Variants in PCDH15 observed in about 807,000 individuals in gnomAD.
PCDH15 encodes the protein protocadherin-15.
In PCDH15, 129 loss-of-function variants were observed where a neutral mutation model predicts 178.5. The observed-to-expected ratio is 0.72, with a 90% confidence interval of 0.63 to 0.84. The LOEUF (loss-of-function observed/expected upper bound fraction) is 0.84, where lower values mean the gene tolerates loss of function less well. Ranked by LOEUF, PCDH15 falls within the 40% of genes least tolerant of loss-of-function variation. The probability of loss-of-function intolerance (pLI) is 0.00; values close to 1 mark genes in which losing one functional copy is unlikely to be tolerated. For synonymous variants in PCDH15, 800 were observed against 732.0 expected, an observed-to-expected ratio of 1.09 and a Z score of -1.50; for missense variants, 2,230 against 2,099.9, an observed-to-expected ratio of 1.06 and a Z score of -1.21.
chr10:55,601,947 CG>C, intron 2 of PCDH15, among the ~76,000 whole-genome samples: 1 of 152,170 alleles, frequency 6.6e-6, no homozygotes, highest in East Asian at 1.9e-4. Context: ...ACGCAGAAGA[CG>C]GGTGATTTCT....
chr10:54,653,484 A>G (rs2135240469), intron 2 of PCDH15, among the ~76,000 whole-genome samples: 1 of 152,286 alleles, frequency 6.6e-6, no homozygotes, highest in Middle Eastern at 3.4e-3. Context: ...CAAAGTTTGG[A>G]GTAGGTATAT....
chr10:55,476,105 T>A (rs1840057309), intron 2 of PCDH15, among the ~76,000 whole-genome samples: 1 of 152,132 alleles, frequency 6.6e-6, no homozygotes, highest in Non-Finnish European at 1.5e-5. Flanking sequence ...CTGCTTAATA[T>A]CCAGTGCAAT....
intron 1 of PCDH15, among the ~76,000 whole-genome samples, chr10:55,250,686 G>C (rs111680298): frequency 2.0e-5 from 3 of 150,986 alleles, no homozygotes; most frequent in African/African-American, 7.3e-5. Flanking sequence ...ACAGGTGCCC[G>C]CCACCACACC....
At chr10:55,085,825 T>A (rs2132030610) in intron 2 of PCDH15, among the ~76,000 whole-genome samples, 1 of 151,948 alleles carries the variant, frequency 6.6e-6, no homozygotes, top group Non-Finnish European at 1.5e-5. Flanking sequence ...AATTTGTTTA[T>A]AATTACATCA....
At chr10:53,849,217 T>C (rs2078181481) in intron 28 of PCDH15, among the ~76,000 whole-genome samples, 1 of 152,140 alleles carries the variant, frequency 6.6e-6, no homozygotes, top group Admixed American at 6.5e-5. Context: ...CTTTAGTTTT[T>C]AATCTTTTTT....
At chr10:54,775,982 C>T (rs887850485) in intron 1 of PCDH15, among the ~76,000 whole-genome samples, 12 of 152,138 alleles carry the variant, frequency 7.9e-5, no homozygotes, top group East Asian at 1.9e-4. Flanking sequence ...CATTTTACTT[C>T]TATGAGATCA....
chr10:55,099,411 A>T, intron 2 of PCDH15, among the ~76,000 whole-genome samples: 1 of 152,086 alleles, frequency 6.6e-6, no homozygotes, highest in Non-Finnish European at 1.5e-5. Flanking sequence ...TTACTAAAAG[A>T]AAAAAATCTG....
intron 5 of PCDH15, among the ~76,000 whole-genome samples, chr10:54,363,033 C>T (rs1227952460): frequency 6.6e-6 from 1 of 152,024 alleles, no homozygotes; most frequent in Non-Finnish European, 1.5e-5. Flanking sequence ...ATCTCAGGAA[C>T]ATCAGCGTAG....
chr10:54,268,838 A>AT (rs928259751), intron 8 of PCDH15, among the ~76,000 whole-genome samples: 1 of 151,914 alleles, frequency 6.6e-6, no homozygotes, highest in Admixed American at 6.6e-5. Flanking sequence ...GATTTAAGAT[A>AT]TTTTTTGATG....
intron 21 of PCDH15, among the ~76,000 whole-genome samples, chr10:53,967,585 A>C (rs764805476): frequency 6.6e-6 from 1 of 152,158 alleles, no homozygotes; most frequent in Non-Finnish European, 1.5e-5. Flanking sequence ...ACAAACATTA[A>C]ATTTCCAAAT....
intron 1 of PCDH15, among the ~76,000 whole-genome samples, chr10:54,711,346 A>G (rs1016344931): frequency 2.6e-5 from 4 of 152,024 alleles, no homozygotes; most frequent in African/African-American, 7.2e-5. Flanking sequence ...TAATGTGACT[A>G]GGTCTAGTGA....
chr10:54,347,379 T>C (rs560699727), intron 5 of PCDH15, among the ~76,000 whole-genome samples: 2 of 152,138 alleles, frequency 1.3e-5, no homozygotes, highest in African/African-American at 2.4e-5. Context: ...CCCCTTTTCT[T>C]GTGCTTGCAT....
At chr10:54,747,837 G>T (rs1402811587) in intron 1 of PCDH15, among the ~76,000 whole-genome samples, 34 of 131,938 alleles carry the variant, frequency 2.6e-4, no homozygotes, top group African/African-American at 9.8e-4. Flanking sequence ...ACGGAGTCTC[G>T]CTCTGTAGCC....
intron 2 of PCDH15, among the ~76,000 whole-genome samples, chr10:55,566,710 T>A (rs1163423069): frequency 6.6e-6 from 1 of 151,742 alleles, no homozygotes; most frequent in Admixed American, 6.6e-5. Context: ...TATAAACTAT[T>A]TTTATTTAAC....
At chr10:55,147,988 GA>G (rs905063435) in intron 2 of PCDH15, among the ~76,000 whole-genome samples, 4 of 151,806 alleles carry the variant, frequency 2.6e-5, no homozygotes, top group Non-Finnish European at 4.4e-5. Context: ...CAAAAGGGGG[GA>G]AAATACCCTT....
chr10:55,326,406 A>C (rs1844032672), intron 2 of PCDH15, among the ~76,000 whole-genome samples: 1 of 152,192 alleles, frequency 6.6e-6, no homozygotes, highest in African/African-American at 2.4e-5. Flanking sequence ...ACAGACATAA[A>C]AATCAATGAG....
intron 2 of PCDH15, among the ~76,000 whole-genome samples, chr10:55,105,895 C>T (rs749880868): frequency 1.1e-4 from 16 of 152,084 alleles, no homozygotes; most frequent in Non-Finnish European, 8.8e-5. Flanking sequence ...AGAGGAAATC[C>T]TATGAGCCTT....
At chr10:54,984,206 C>T (rs1839309363) in intron 2 of PCDH15, among the ~76,000 whole-genome samples, 1 of 152,094 alleles carries the variant, frequency 6.6e-6, no homozygotes, top group African/African-American at 2.4e-5. Flanking sequence ...TCTTCTCCTG[C>T]CCTCTTGTCT....
chr10:54,746,606 T>A (rs919097128), intron 1 of PCDH15, among the ~76,000 whole-genome samples: 5 of 152,156 alleles, frequency 3.3e-5, no homozygotes, highest in Admixed American at 6.5e-5. Context: ...CTATTATGTA[T>A]CCACAAAAAT....
Sources: allele counts gnomAD v4.1 joint callset (sites outside exome capture counted in the v4.1 genomes callset), GRCh38; gene constraint gnomAD v4.1.1; transcripts MANE v1.5; gene names NCBI Gene and HGNC (gene_info 2026-07-23, HGNC 2026-07-21).